Variants in PTPRT observed in about 807,000 individuals in gnomAD.
The protein encoded by PTPRT is receptor-type tyrosine-protein phosphatase T.
Under a neutral mutation model 176.8 loss-of-function variants are expected in PTPRT, and 56 were observed. That is an observed-to-expected ratio of 0.32 (90% CI 0.26 to 0.40). PTPRT has a LOEUF of 0.40. PTPRT is among the 10% of genes least tolerant of loss of function. The pLI is 1.00. For synonymous variants in PTPRT, 783 were observed against 739.0 expected, an observed-to-expected ratio of 1.06 and a Z score of -0.96; for missense variants, 1,540 against 1,908.2, an observed-to-expected ratio of 0.81 and a Z score of 3.60.
chr20:42,074,541 A>G lies in PTPRT; in HGVS notation c.*6338T>C. 2.7e-6 allele frequency: 1 copy of G among 375,250 alleles called. No individual in the cohort carries two copies. The highest frequency in any genetic ancestry group is 3.8e-5 in the East Asian group (1 of 26,498). The allele number at this position is 375,250 out of a possible 1,614,324, so 23.2% of individuals were successfully genotyped here. A position where few individuals can be genotyped will look rare whatever the true frequency, so the allele number is the denominator to read the frequency against. ...CATCTCACCACCCAGAGCAGTTCTC[A>G]GATATAGAAGGAAGCCCCATAATGA... On this transcript the variant is annotated 3_prime_UTR_variant, in exon 31 of 31. Coordinates refer to ENST00000373187, the MANE Select transcript of PTPRT (RefSeq NM_007050.6).
intron 24 of PTPRT, among the ~76,000 whole-genome samples, chr20:42,105,682 T>C (rs1277188024): frequency 3.9e-5 from 6 of 152,212 alleles, no homozygotes; most frequent in Non-Finnish European, 7.3e-5. Context: ...TCTGCATGCA[T>C]GGACCTAGGA....
intron 1 of PTPRT, among the ~76,000 whole-genome samples, chr20:42,948,463 T>C (rs1981027078): frequency 6.6e-6 from 1 of 152,192 alleles, no homozygotes; most frequent in African/African-American, 2.4e-5. Flanking sequence ...GGGATGGTCA[T>C]GTGGCCCAAT....
intron 9 of PTPRT, among the ~76,000 whole-genome samples, chr20:42,421,233 G>A (rs1041031411): frequency 5.3e-5 from 8 of 151,042 alleles, no homozygotes; most frequent in African/African-American, 1.7e-4. Flanking sequence ...GCAAGTTCCT[G>A]ACCCCCTAAC....
At chr20:43,160,919 T>TAAA (rs11484206) in intron 1 of PTPRT, among the ~76,000 whole-genome samples, 6 of 143,340 alleles carry the variant, frequency 4.2e-5, no homozygotes, top group Non-Finnish European at 4.6e-5. Flanking sequence ...GAATTTTCTT[T>TAAA]AAAAAAAAAA....
intron 13 of PTPRT, chr20:42,270,363 T>TGCCCAACC: frequency 7.5e-7 from 1 of 1,332,718 alleles, no homozygotes; most frequent in Non-Finnish European, 1.0e-6. Flanking sequence ...TGGGCAACTC[T>TGCCCAACC]CCCCTCCCAC....
chr20:42,058,053 C>T, the PTPRT span, among the ~76,000 whole-genome samples: 1 of 152,294 alleles, frequency 6.6e-6, no homozygotes, highest in Non-Finnish European at 1.5e-5. Context: ...GTCACACGAA[C>T]AGCCTCTCCT....
At chr20:42,732,720 T>C (rs574437779) in intron 6 of PTPRT, among the ~76,000 whole-genome samples, 3 of 152,338 alleles carry the variant, frequency 2.0e-5, no homozygotes, top group South Asian at 2.1e-4. Context: ...TTTCCTTTCA[T>C]TGAAAGTCCG....
chr20:42,456,699 A>AT (rs974912601), intron 8 of PTPRT, among the ~76,000 whole-genome samples: 13 of 152,072 alleles, frequency 8.5e-5, no homozygotes, highest in Admixed American at 3.3e-4. Context: ...TTTTTAAACT[A>AT]TTTTTTTGCA....
chr20:42,061,906 A>T, the PTPRT span, among the ~76,000 whole-genome samples: 13 of 152,364 alleles, frequency 8.5e-5, no homozygotes, highest in South Asian at 2.5e-3. Context: ...CATTTTAAAA[A>T]ATCCTGAGAG....
At chr20:43,159,049 G>C (rs947303571) in intron 1 of PTPRT, among the ~76,000 whole-genome samples, 1 of 152,110 alleles carries the variant, frequency 6.6e-6, no homozygotes, top group African/African-American at 2.4e-5. Flanking sequence ...GTAATCCTAG[G>C]GGGCACTGGT....
the PTPRT span, among the ~76,000 whole-genome samples, chr20:42,043,432 C>A: frequency 6.6e-6 from 1 of 152,196 alleles, no homozygotes; most frequent in African/African-American, 2.4e-5. Context: ...GCAATCATTT[C>A]CAGCTAATGG....
intron 8 of PTPRT, among the ~76,000 whole-genome samples, chr20:42,458,377 C>A (rs1424090349): frequency 6.6e-6 from 1 of 152,144 alleles, no homozygotes; most frequent in African/African-American, 2.4e-5. Context: ...CCTGTTCCCA[C>A]CACTGTATTA....
chr20:42,221,600 C>A (rs1009338905), intron 15 of PTPRT, among the ~76,000 whole-genome samples: 2 of 151,510 alleles, frequency 1.3e-5, no homozygotes, highest in Non-Finnish European at 2.9e-5. Context: ...GATCTCCACT[C>A]ACTGCAACTC....
chr20:42,225,165 C>A (rs1353060228), intron 15 of PTPRT, among the ~76,000 whole-genome samples: 1 of 152,168 alleles, frequency 6.6e-6, no homozygotes, highest in African/African-American at 2.4e-5. Context: ...TTAAGGAACA[C>A]CATCTAAAAT....
At chr20:43,171,917 C>T (rs2015010984) in intron 1 of PTPRT, among the ~76,000 whole-genome samples, 1 of 152,190 alleles carries the variant, frequency 6.6e-6, no homozygotes, top group Non-Finnish European at 1.5e-5. Flanking sequence ...CCTACCAGTG[C>T]CAAACTCCAT....
At chr20:42,664,166 C>T (rs1385017775) in intron 7 of PTPRT, among the ~76,000 whole-genome samples, 1 of 152,140 alleles carries the variant, frequency 6.6e-6, no homozygotes, top group Non-Finnish European at 1.5e-5. Context: ...TTTTAATACG[C>T]TTTTTGCTAT....
intron 7 of PTPRT, among the ~76,000 whole-genome samples, chr20:42,479,788 G>A (rs568932615): frequency 6.6e-6 from 1 of 152,308 alleles, no homozygotes; most frequent in African/African-American, 2.4e-5. Context: ...TGTTCGACTG[G>A]TAAGTATAAC....
chr20:42,836,689 C>G (rs1265338183), intron 2 of PTPRT, among the ~76,000 whole-genome samples: 2 of 152,164 alleles, frequency 1.3e-5, no homozygotes, highest in African/African-American at 2.4e-5. Context: ...CCACTGAATT[C>G]CTGGCACTGG....
intron 22 of PTPRT, among the ~76,000 whole-genome samples, chr20:42,112,097 G>A (rs557251459): frequency 1.3e-5 from 2 of 152,340 alleles, no homozygotes; most frequent in South Asian, 4.1e-4. Flanking sequence ...GCACTGGGAA[G>A]CTACAGGGAG....
Sources: gnomAD v4.1 joint callset for allele counts (sites outside exome capture counted in the v4.1 genomes callset) on GRCh38, gnomAD v4.1.1 for gene constraint, MANE v1.5 for transcripts, NCBI Gene and HGNC (gene_info 2026-07-23, HGNC 2026-07-21) for gene names.